KCNH5: variants seen among roughly 807,000 people sequenced by gnomAD.
KCNH5 encodes potassium voltage-gated channel subfamily H member 5.
KCNH5 carries 46 observed loss-of-function variants against 96.1 expected under a neutral mutation model. The observed-to-expected ratio is 0.48, with a 90% confidence interval of 0.38 to 0.61. The LOEUF (loss-of-function observed/expected upper bound fraction) is 0.61, where lower values mean the gene tolerates loss of function less well. KCNH5 is among the 20% of genes least tolerant of loss of function. The pLI, the probability that KCNH5 is intolerant of heterozygous loss-of-function variation, is 0.00. For synonymous variants in KCNH5, 439 were observed against 449.8 expected (o/e 0.98, Z 0.30); for missense variants, 907 against 1,225.8 (o/e 0.74, Z 3.88).
At chr14:62,812,496 G>C (rs1386870500) in intron 8 of KCNH5, among the ~76,000 whole-genome samples, 11 of 152,232 alleles carry the variant, frequency 7.2e-5, no homozygotes, top group Non-Finnish European at 1.5e-4. Context: ...CCAGAGGTTA[G>C]CATTTGATAA....
chr14:62,968,152 A>G (rs1051293703), intron 6 of KCNH5, among the ~76,000 whole-genome samples: 1 of 152,152 alleles, frequency 6.6e-6, no homozygotes, highest in Admixed American at 6.6e-5. Context: ...ATTCTCTACC[A>G]ATGCCCACCA....
chr14:63,017,651 C>G (rs1010777098), intron 1 of KCNH5, among the ~76,000 whole-genome samples: 2 of 151,356 alleles, frequency 1.3e-5, no homozygotes, highest in African/African-American at 4.8e-5. Flanking sequence ...TAGGCAGTAA[C>G]TTTAGCAGTT....
intron 7 of KCNH5, among the ~76,000 whole-genome samples, chr14:62,931,893 G>A (rs1285845065): frequency 6.6e-6 from 1 of 152,022 alleles, no homozygotes; most frequent in Non-Finnish European, 1.5e-5. Context: ...CTGAAATCAG[G>A]GGTTATGTGA....
At chr14:62,887,567 A>AT (rs1452500884) in intron 7 of KCNH5, among the ~76,000 whole-genome samples, 3 of 152,132 alleles carry the variant, frequency 2.0e-5, no homozygotes, top group Non-Finnish European at 4.4e-5. Context: ...ATGAGGTAAC[A>AT]TTGAGTATTA....
At chr14:62,870,455 C>G (rs959491300) in intron 7 of KCNH5, among the ~76,000 whole-genome samples, 2 of 152,154 alleles carry the variant, frequency 1.3e-5, no homozygotes, top group Non-Finnish European at 2.9e-5. Context: ...CCAAAGTAGT[C>G]ATGTCCTAAT....
At chr14:62,892,861 C>A (rs561965712) in intron 7 of KCNH5, among the ~76,000 whole-genome samples, 1 of 152,102 alleles carries the variant, frequency 6.6e-6, no homozygotes, top group African/African-American at 2.4e-5. Flanking sequence ...GTGTACCCCC[C>A]CAAAAATTTT....
At chr14:62,820,906 A>G (rs1484608380) in intron 8 of KCNH5, among the ~76,000 whole-genome samples, 2 of 152,068 alleles carry the variant, frequency 1.3e-5, no homozygotes, top group Non-Finnish European at 2.9e-5. Context: ...ATATGCAGTA[A>G]TGGGATTACT....
chr14:62,933,821 C>T (rs1244595268), intron 7 of KCNH5, among the ~76,000 whole-genome samples: 5 of 152,104 alleles, frequency 3.3e-5, no homozygotes, highest in African/African-American at 1.2e-4. Context: ...TCTGAATTAG[C>T]ACACAGATTA....
At chr14:62,947,714 G>GACACACACACACACACACACAC (rs373941818) in intron 7 of KCNH5, among the ~76,000 whole-genome samples, 43 of 149,520 alleles carry the variant, frequency 2.9e-4, no homozygotes, top group African/African-American at 9.3e-4. Flanking sequence ...GGACAGCTTA[G>GACACACACACACACACACACAC]ACACACACAC....
At chr14:63,012,473 A>T (rs2139603255) in intron 2 of KCNH5, among the ~76,000 whole-genome samples, 1 of 152,290 alleles carries the variant, frequency 6.6e-6, no homozygotes, top group Middle Eastern at 3.4e-3. Context: ...CTGAGAATGG[A>T]AACAGAAGGC....
chr14:62,994,630 A>G (rs1293134492), intron 4 of KCNH5, among the ~76,000 whole-genome samples: 4 of 152,058 alleles, frequency 2.6e-5, no homozygotes, highest in Admixed American at 2.6e-4. Flanking sequence ...TCTCCAAATG[A>G]AAGTATTCTC....
At chr14:62,901,562 TC>T (rs1170819999) in intron 7 of KCNH5, among the ~76,000 whole-genome samples, 1 of 152,204 alleles carries the variant, frequency 6.6e-6, no homozygotes, top group Non-Finnish European at 1.5e-5. Flanking sequence ...ATAATTTCAT[TC>T]TTTTTTATGG....
chr14:62,728,304 T>C (rs1884978587), intron 10 of KCNH5, among the ~76,000 whole-genome samples: 1 of 150,516 alleles, frequency 6.6e-6, no homozygotes, highest in African/African-American at 2.4e-5. Flanking sequence ...GGAGAATCGC[T>C]TGAACTCGGG....
chr14:63,031,196 T>C (rs1891619589), intron 1 of KCNH5, among the ~76,000 whole-genome samples: 1 of 152,096 alleles, frequency 6.6e-6, no homozygotes, highest in African/African-American at 2.4e-5. Context: ...TTCTATTCTG[T>C]CAGACTATAT....
At chr14:62,846,839 G>C (rs1887705204) in intron 8 of KCNH5, among the ~76,000 whole-genome samples, 1 of 115,318 alleles carries the variant, frequency 8.7e-6, no homozygotes, top group Admixed American at 1.1e-4. Flanking sequence ...CTGGCTCTGC[G>C]GCCCAGGCTG....
intron 7 of KCNH5, among the ~76,000 whole-genome samples, chr14:62,851,512 AAAAC>A (rs1358756297): frequency 2.1e-5 from 3 of 140,176 alleles, no homozygotes; most frequent in African/African-American, 7.5e-5. Context: ...AAAAAAAAAA[AAAAC>A]CTAAAGGTAA....
At chr14:63,015,795 T>C (rs1464578902) in intron 2 of KCNH5, among the ~76,000 whole-genome samples, 1 of 151,980 alleles carries the variant, frequency 6.6e-6, no homozygotes, top group African/African-American at 2.4e-5. Context: ...TATCATATTT[T>C]TGATCTGTAT....
intron 7 of KCNH5, among the ~76,000 whole-genome samples, chr14:62,881,224 T>C (rs934628837): frequency 9.8e-5 from 15 of 152,292 alleles, no homozygotes; most frequent in African/African-American, 3.1e-4. Context: ...GATTCTAAAA[T>C]AAGCAATATT....
chr14:62,778,067 C>A (rs1461449797), intron 10 of KCNH5, among the ~76,000 whole-genome samples: 1 of 152,116 alleles, frequency 6.6e-6, no homozygotes, highest in African/African-American at 2.4e-5. Context: ...AACATCAAGT[C>A]CTGAGGAATG....
Sources: gnomAD v4.1 joint callset for allele counts (sites outside exome capture counted in the v4.1 genomes callset) on GRCh38, gnomAD v4.1.1 for gene constraint, MANE v1.5 for transcripts, NCBI Gene and HGNC (gene_info 2026-07-23, HGNC 2026-07-21) for gene names.